PKP1: variants seen among roughly 807,000 people sequenced by gnomAD.
PKP1 encodes the protein plakophilin-1.
A neutral mutation model predicts 76.4 loss-of-function variants in PKP1; 27 were observed. The ratio of observed to expected loss-of-function variants is 0.35; its 90% CI spans 0.26 to 0.49. PKP1 has a LOEUF of 0.49. PKP1 is among the 20% of genes least tolerant of loss of function. The pLI, the probability that PKP1 is intolerant of heterozygous loss-of-function variation, is 0.99. For synonymous variants in PKP1, 404 were observed against 384.2 expected, an observed-to-expected ratio of 1.05 and a Z score of -0.60; for missense variants, 964 against 955.2, an observed-to-expected ratio of 1.01 and a Z score of -0.12.
chr1:201,308,354 C>T (rs1196439625), intron 2 of PKP1, among the ~76,000 whole-genome samples: 1 of 152,230 alleles, frequency 6.6e-6, no homozygotes, highest in Non-Finnish European at 1.5e-5. Flanking sequence ...CTCACAGTCA[C>T]AGTCCACCTT....
Position 201,318,623 on chromosome 1 carries a change from C to G in PKP1, c.1060C>G (p.Leu354Val), listed in dbSNP as rs1365163443. 1 of 1,612,164 alleles carries G rather than the reference C, an allele frequency of 6.2e-7. No homozygotes were observed. Among genetic ancestry groups the G allele is most frequent in the Non-Finnish European group, 8.5e-7 (1 of 1,179,908 alleles). The change falls in exon 6 of 14, where the codon CTC becomes GTC. Residue 354 changes from leucine (L) to valine (V), a missense_variant. Transcript: ENST00000367324. ...AEIQKQLTGL[L>V]WNLSSTDELK... ...TGATGGTCTCTGACCCCCAGGGCTG[C>G]TCTGGAACCTGTCTTCCACTGACGA...
chr1:201,302,282 C>T (rs186065586), intron 2 of PKP1, among the ~76,000 whole-genome samples: 1 of 152,156 alleles, frequency 6.6e-6, no homozygotes, highest in African/African-American at 2.4e-5. Flanking sequence ...TTGCCTGTGA[C>T]CTCACAGATA....
At chr1:201,308,386 C>T (rs1656430689) in intron 2 of PKP1, among the ~76,000 whole-genome samples, 1 of 152,246 alleles carries the variant, frequency 6.6e-6, no homozygotes, top group Non-Finnish European at 1.5e-5. Flanking sequence ...TTGCTGTGAG[C>T]TCAGCCCTGT....
chr1:201,316,574 G>A lies in PKP1; in HGVS notation c.723G>A (p.Glu241=), dbSNP rs753766542. 3 of 1,610,250 alleles carry A rather than the reference G, an allele frequency of 1.9e-6. No individual in the cohort carries two copies. Among genetic ancestry groups the A allele is most frequent in the East Asian group, 2.2e-5 (1 of 44,854 alleles). ...ASSKICSEDI[E]CSGLTIPKAV... ...ACAGGATCTGCAGTGAGGACATCGA[G>A]TGCAGTGGGCTGACCATCCCCAAGG... is the stretch of plus-strand genomic sequence containing the variant. The change falls in exon 4 of 14, where the codon GAG becomes GAA. Residue 241 remains glutamate (E), a synonymous_variant. Transcript: ENST00000367324.
chr1:201,289,826 G>A (rs1270954856), intron 1 of PKP1, among the ~76,000 whole-genome samples: 1 of 152,188 alleles, frequency 6.6e-6, no homozygotes, highest in African/African-American at 2.4e-5. Context: ...GGAGTGCTCA[G>A]AGCTGGGTGC....
intron 2 of PKP1, among the ~76,000 whole-genome samples, chr1:201,307,849 C>A (rs1470639581): frequency 2.0e-5 from 3 of 152,192 alleles, no homozygotes; most frequent in East Asian, 3.8e-4. Flanking sequence ...TGAAACTGTG[C>A]GTGCACTCCC....
chr1:201,319,651 T>TGATGAGCCCACATTGCTTGGG (rs368841204), intron 6 of PKP1, among the ~76,000 whole-genome samples: 2 of 152,182 alleles, frequency 1.3e-5, no homozygotes, highest in Non-Finnish European at 2.9e-5. Flanking sequence ...TGCACCAGGC[T>TGATGAGCCCACATTGCTTGGG]GATGAGCCCA....
At chr1:201,297,689 A>G (rs1403894101) in intron 2 of PKP1, among the ~76,000 whole-genome samples, 1 of 152,130 alleles carries the variant, frequency 6.6e-6, no homozygotes, top group African/African-American at 2.4e-5. Context: ...CCACAATCTC[A>G]ATATTTGAAC....
intron 7 of PKP1, 113 bp from the exon 8 acceptor site, chr1:201,321,865 T>G (rs955784569): frequency 4.8e-6 from 6 of 1,251,166 alleles, no homozygotes; most frequent in South Asian, 2.5e-5. Context: ...TGCGCTCATC[T>G]TTCCCGATGC....
chr1:201,325,344 G>A (rs1449920283), intron 11 of PKP1, among the ~76,000 whole-genome samples: 1 of 152,194 alleles, frequency 6.6e-6, no homozygotes, highest in African/African-American at 2.4e-5. Flanking sequence ...TGCATGGAGG[G>A]AAGAGGCAAC....
At chr1:201,324,668 C>G in intron 10 of PKP1, 87 bp downstream of exon 10, 1 of 1,502,270 alleles carries the variant, frequency 6.7e-7, no homozygotes, top group South Asian at 1.1e-5. Context: ...TCCTTTAAGC[C>G]ATTCCCTGGG....
At chr1:201,314,643 G>T (rs546300654) in intron 3 of PKP1, among the ~76,000 whole-genome samples, 1 of 152,252 alleles carries the variant, frequency 6.6e-6, no homozygotes, top group African/African-American at 2.4e-5. Flanking sequence ...CAGAGGTGTC[G>T]TGAGTGACAC....
chr1:201,328,505 A>G (rs2102189714), intron 12 of PKP1: 1 of 560,676 alleles, frequency 1.8e-6, no homozygotes, highest in South Asian at 2.0e-5. Flanking sequence ...TCACGCCTTG[A>G]CTCAGGTTTC....
intron 11 of PKP1, among the ~76,000 whole-genome samples, chr1:201,325,451 C>G (rs1657088632): frequency 6.6e-6 from 1 of 152,080 alleles, no homozygotes; most frequent in Non-Finnish European, 1.5e-5. Flanking sequence ...CTTTATCCTG[C>G]TCTGTGGGGC....
chr1:201,329,982 C>T (rs962463354), intron 13 of PKP1, 92 bp from the exon 14 acceptor site: 6 of 152,116 alleles, frequency 3.9e-5, no homozygotes, highest in Admixed American at 3.3e-4. Context: ...ACTTGAGGGC[C>T]GATGTGAGAA....
chr1:201,322,139 C>G lies in PKP1; in HGVS notation c.1503+6C>G, dbSNP rs750626983. 6.2e-7 allele frequency: 1 copy of G among 1,610,030 alleles called. No homozygotes were observed. The highest frequency in any genetic ancestry group is 1.3e-5 in the African/African-American group (1 of 75,008). On this transcript the variant is annotated splice_donor_region_variant and intron_variant, in intron 8 of 13. Transcript: ENST00000367324. ...ACAAGAGCGACAAGATGATGGTGAG[C>G]ACAGCATCAGCAGGGCGGGGCCTGC...
At position 201,311,964 on chromosome 1, in the gene PKP1, G is replaced by A. The variant is rs542950103; in HGVS notation, c.307-1202G>A. ...CTCACAGGCCCCTCCCAAGGAGGCC[G>A]ACTCCCCACTTGGGCTCACACAGAG... On this transcript the variant is annotated intron_variant, in intron 2 of 13. Transcript: ENST00000367324. Among the ~76,000 whole-genome samples the A allele has an allele frequency of 1.4e-4, 22 of 152,332 alleles. No homozygotes were observed. The South Asian group carries it at 1.9e-3, about 13-fold the overall frequency.
At position 201,313,498 on chromosome 1, in the gene PKP1, G is replaced by A; in HGVS notation, c.639G>A (p.Val213=). The stretch of plus-strand genomic sequence containing the variant: ...CTTGTGCCTCCAAGCAGGACCCTGT[G>A]TATATCCCGCCCATCTCCTGCAACA... ...PPSCASKQDP[V]YIPPISCNKD... is the part of the protein sequence containing the mutation. Residue 213 remains valine (V), a synonymous_variant, in exon 3 of 14, where the codon GTG becomes GTA. Transcript: ENST00000367324. 1.2e-6 allele frequency: 2 copies of A among 1,613,948 alleles called. No individual in the cohort carries two copies. Among genetic ancestry groups the A allele is most frequent in the Non-Finnish European group, 1.7e-6 (2 of 1,179,982 alleles).
At position 201,316,552 on chromosome 1, in the gene PKP1, G is replaced by A; in HGVS notation, c.702-1G>A. On this transcript the variant is annotated splice_acceptor_variant, in intron 3 of 13. Coordinates refer to ENST00000367324, the MANE Select transcript of PKP1 (RefSeq NM_001005337.3). LOFTEE classifies it high-confidence loss of function. ...CCACCCCCACTGCCTATTCTTCACA[G>A]GATCTGCAGTGAGGACATCGAGTGC... is the stretch of plus-strand genomic sequence containing the variant. The A allele has an allele frequency of 6.2e-7, 1 of 1,604,584 alleles. No homozygotes were observed. Among genetic ancestry groups the A allele is most frequent in the Non-Finnish European group, 8.5e-7 (1 of 1,175,324 alleles).
Sources: allele counts gnomAD v4.1 joint callset (sites outside exome capture counted in the v4.1 genomes callset), GRCh38; gene constraint gnomAD v4.1.1; transcripts MANE v1.5; gene names NCBI Gene and HGNC (gene_info 2026-07-23, HGNC 2026-07-21).